The following CEP78 variants were observed in gnomAD, a reference collection of about 807,000 sequenced individuals.
CEP78 encodes the protein centrosomal protein of 78 kDa.
CEP78 carries 76 observed loss-of-function variants against 81.2 expected under a neutral mutation model. The observed-to-expected ratio is 0.94, with a 90% CI of 0.78 to 1.13. The LOEUF (loss-of-function observed/expected upper bound fraction) is 1.13. Ranked by LOEUF, CEP78 falls within the 50% of genes most tolerant of loss-of-function variation. The pLI, the probability that CEP78 is intolerant of heterozygous loss-of-function variation, is 0.00. For missense variants in CEP78, 918 were observed against 846.8 expected (o/e 1.08, Z -1.04); for synonymous variants, 293 against 301.4 (o/e 0.97, Z 0.29).
At chr9:78,256,692 G>A (rs796479390) in intron 11 of CEP78, among the ~76,000 whole-genome samples, 11 of 151,808 alleles carry the variant, frequency 7.2e-5, no homozygotes, top group African/African-American at 2.7e-4. Context: ...AATAACCATG[G>A]TTCACCTGAG....
chr9:78,250,607 C>T (rs866722241), intron 8 of CEP78, among the ~76,000 whole-genome samples: 22 of 152,116 alleles, frequency 1.4e-4, no homozygotes, highest in South Asian at 2.1e-4. Flanking sequence ...GGCGTGGCGG[C>T]GTGCACCTGT....
In CEP78 at chr9:78,278,160, A is replaced by G. The variant is rs1827841799; in HGVS notation, c.*7309A>G. The G allele has an allele frequency of 6.6e-6, 1 of 152,228 alleles. No individual in the cohort carries two copies. 9.4% of individuals were successfully genotyped at this position (152,228 alleles called of 1,614,324 possible). On this transcript the variant is annotated 3_prime_UTR_variant, in exon 17 of 17. Coordinates refer to ENST00000643273, the MANE Select transcript of CEP78 (RefSeq NM_001330691.3). The stretch of plus-strand genomic sequence containing the variant: ...AATTCTAGGTTGTTTGGTTTAAAAA[A>G]AAAGTTTTTATGTACAACAGACAAT...
At chr9:78,237,337 G>A (rs1443572165) in intron 1 of CEP78, among the ~76,000 whole-genome samples, 1 of 152,100 alleles carries the variant, frequency 6.6e-6, no homozygotes, top group African/African-American at 2.4e-5. Flanking sequence ...ACAAATACAA[G>A]CCATTTGTAA....
In CEP78 at chr9:78,278,881, A is replaced by G. The variant is rs1314437863; in HGVS notation, c.*8030A>G. Reference sequence around the variant, plus strand: ...GTTTTCAAACTGATACATCTACCTGAGAATTTTCACATATAATTTGGTCAA... The same window carrying G: ...GTTTTCAAACTGATACATCTACCTGGGAATTTTCACATATAATTTGGTCAA... On this transcript the variant is annotated 3_prime_UTR_variant, in exon 17 of 17. Transcript: ENST00000643273. The G allele has an allele frequency of 6.6e-6, 1 of 152,172 alleles. No individual in the cohort carries two copies. The highest frequency in any genetic ancestry group is 2.4e-5 in the African/African-American group (1 of 41,428). The allele number at this position is 152,172 out of a possible 1,614,324, so 9.4% of individuals were successfully genotyped here. A position where few individuals can be genotyped will look rare whatever the true frequency, so the allele number is the denominator to read the frequency against.
chr9:78,270,121 G>T (rs1176646725), intron 16 of CEP78, among the ~76,000 whole-genome samples: 1 of 152,194 alleles, frequency 6.6e-6, no homozygotes, highest in African/African-American at 2.4e-5. Context: ...TTATTGTAGA[G>T]TTGGGGGATC....
At chr9:78,241,056 G>A (rs763404929) in intron 3 of CEP78, among the ~76,000 whole-genome samples, 4 of 152,090 alleles carry the variant, frequency 2.6e-5, no homozygotes, top group African/African-American at 9.7e-5. Flanking sequence ...GGAAATATAA[G>A]CAAAGTGCTG....
At chr9:78,236,964 T>C (rs1825973875) in intron 1 of CEP78, among the ~76,000 whole-genome samples, 1 of 133,538 alleles carries the variant, frequency 7.5e-6, no homozygotes, top group African/African-American at 2.9e-5. Context: ...CATGTCAGCC[T>C]TTGTCTTTTT....
chr9:78,268,672 T>G (rs558256197), intron 16 of CEP78, among the ~76,000 whole-genome samples: 1 of 149,138 alleles, frequency 6.7e-6, no homozygotes, highest in African/African-American at 2.5e-5. Flanking sequence ...ATTAAGCAGG[T>G]TTCTTTTCTT....
In CEP78 at chr9:78,262,905, A is replaced by G; in HGVS notation, c.1381-2A>G. ...AATATTTACTTTATTACTTAATACT[A>G]GGAAAAACTGGAGGAGTGCCTAAAG... On this transcript the variant is annotated splice_acceptor_variant, in intron 11 of 16. Coordinates refer to ENST00000643273, the MANE Select transcript of CEP78 (RefSeq NM_001330691.3). LOFTEE classifies it high-confidence loss of function. 2.7e-6 allele frequency: 4 copies of G among 1,504,570 alleles called. No homozygotes were observed. The highest frequency in any genetic ancestry group is 3.6e-6 in the Non-Finnish European group (4 of 1,112,654). 93.2% of individuals were successfully genotyped at this position (1,504,570 alleles called of 1,614,324 possible).
chr9:78,268,949 C>T (rs1463307617), intron 16 of CEP78, among the ~76,000 whole-genome samples: 1 of 152,134 alleles, frequency 6.6e-6, no homozygotes, highest in Non-Finnish European at 1.5e-5. Context: ...AGCTACCATG[C>T]CTGGCCGCAG....
At chr9:78,261,536 A>G (rs980164827) in intron 11 of CEP78, among the ~76,000 whole-genome samples, 3 of 152,214 alleles carry the variant, frequency 2.0e-5, no homozygotes, top group Admixed American at 6.5e-5. Flanking sequence ...TTTAAGGAGC[A>G]TGAATTACTC....
At chr9:78,241,626 A>G in intron 3 of CEP78, 70 bp from the exon 4 acceptor site, 2 of 687,564 alleles carry the variant, frequency 2.9e-6, no homozygotes, top group Admixed American at 2.8e-5. Context: ...AAGAAGAGCA[A>G]ATAAATCAAG....
rs866366940 is a variant in CEP78 at position 78,276,819 on chromosome 9, T to G, written c.*5968T>G. The G allele has an allele frequency of 6.6e-6, 1 of 152,180 alleles. No homozygotes were observed. Among genetic ancestry groups the G allele is most frequent in the Admixed American group, 6.5e-5 (1 of 15,274 alleles). 9.4% of individuals were successfully genotyped at this position (152,180 alleles called of 1,614,324 possible). A position where few individuals can be genotyped will look rare whatever the true frequency, so the allele number is the denominator to read the frequency against. On this transcript the variant is annotated 3_prime_UTR_variant, in exon 17 of 17. Coordinates refer to ENST00000643273, the MANE Select transcript of CEP78 (RefSeq NM_001330691.3). ...CATGTATAAGACCCAACATAATAAATAGTTCTACCAAATTAATTTATAAAT... is the reference window on the plus strand; with the variant it reads ...CATGTATAAGACCCAACATAATAAAGAGTTCTACCAAATTAATTTATAAAT...
At chr9:78,257,153 T>C (rs1827075208) in intron 11 of CEP78, among the ~76,000 whole-genome samples, 1 of 149,954 alleles carries the variant, frequency 6.7e-6, no homozygotes, top group South Asian at 2.1e-4. Flanking sequence ...CACATGTAAG[T>C]AGACAGTCTT....
At chr9:78,266,273 A>C (rs1053973906) in intron 15 of CEP78, among the ~76,000 whole-genome samples, 169 bp from the exon 16 acceptor site, 3 of 152,032 alleles carry the variant, frequency 2.0e-5, no homozygotes, top group Non-Finnish European at 4.4e-5. Context: ...TGCTGGACCT[A>C]CTCCTGGCTA....
At chr9:78,252,578 T>A (rs1587580334) in intron 9 of CEP78, among the ~76,000 whole-genome samples, 2 of 152,364 alleles carry the variant, frequency 1.3e-5, no homozygotes, top group Admixed American at 6.5e-5. Flanking sequence ...AATGTTGTAC[T>A]ATAATTTTAT....
intron 5 of CEP78, among the ~76,000 whole-genome samples, chr9:78,244,183 A>G (rs1044294238): frequency 7.7e-6 from 1 of 129,234 alleles, no homozygotes. Context: ...TCTGTTGCCC[A>G]GGCTGGAGTG....
At chr9:78,257,400 T>C (rs1827088754) in intron 11 of CEP78, among the ~76,000 whole-genome samples, 1 of 152,180 alleles carries the variant, frequency 6.6e-6, no homozygotes, top group African/African-American at 2.4e-5. Context: ...TGCGCTATAC[T>C]TTTTCTTGTT....
chr9:78,256,789 ATACTT>A (rs1215455457), intron 11 of CEP78, among the ~76,000 whole-genome samples: 1 of 152,160 alleles, frequency 6.6e-6, no homozygotes, highest in African/African-American at 2.4e-5. Flanking sequence ...AAGAACAAAA[ATACTT>A]TAAGAAAAAA....
Sources: gnomAD v4.1 joint callset for allele counts (sites outside exome capture counted in the v4.1 genomes callset) on GRCh38, gnomAD v4.1.1 for gene constraint, MANE v1.5 for transcripts, NCBI Gene and HGNC (gene_info 2026-07-23, HGNC 2026-07-21) for gene names.